Variants in PTPRR observed in about 807,000 individuals in gnomAD.
The protein encoded by PTPRR is protein tyrosine phosphatase receptor type R.
PTPRR carries 38 observed loss-of-function variants against 77.2 expected under a neutral mutation model. The observed-to-expected ratio is 0.49, with a 90% CI of 0.38 to 0.65. The LOEUF (loss-of-function observed/expected upper bound fraction) is 0.65, where lower values mean the gene tolerates loss of function less well. Ranked by LOEUF, PTPRR falls within the 30% of genes least tolerant of loss-of-function variation. PTPRR has a pLI of 0.00. For synonymous variants in PTPRR, 299 were observed against 283.1 expected (o/e 1.06, Z -0.57); for missense variants, 744 against 799.2 (o/e 0.93, Z 0.83).
At chr12:70,716,124 C>A (rs567288002) in intron 6 of PTPRR, among the ~76,000 whole-genome samples, 6 of 152,268 alleles carry the variant, frequency 3.9e-5, no homozygotes, top group Admixed American at 3.9e-4. Context: ...TCCCTGACTT[C>A]CCGCAACCTT....
At chr12:70,834,296 G>A (rs1314016995) in intron 2 of PTPRR, among the ~76,000 whole-genome samples, 1 of 152,092 alleles carries the variant, frequency 6.6e-6, no homozygotes, top group African/African-American at 2.4e-5. Flanking sequence ...ATGGTGACAA[G>A]CTTGTATATC....
intron 1 of PTPRR, among the ~76,000 whole-genome samples, chr12:70,919,351 C>A (rs1893819015): frequency 6.6e-6 from 1 of 152,164 alleles, no homozygotes; most frequent in Non-Finnish European, 1.5e-5. Flanking sequence ...GCATGGACAA[C>A]TGCTGTCACA....
chr12:70,829,327 C>T (rs990567454), intron 2 of PTPRR, among the ~76,000 whole-genome samples: 1 of 152,046 alleles, frequency 6.6e-6, no homozygotes, highest in East Asian at 1.9e-4. Flanking sequence ...GAAAAGCGGT[C>T]TACTTGAGGA....
chr12:70,912,131 C>T (rs963908759), intron 1 of PTPRR, among the ~76,000 whole-genome samples: 2 of 152,188 alleles, frequency 1.3e-5, no homozygotes, highest in Non-Finnish European at 2.9e-5. Context: ...GAAAGCCATA[C>T]ATTTACATTA....
chr12:70,857,373 G>A (rs1254923669), intron 2 of PTPRR, among the ~76,000 whole-genome samples: 1 of 152,088 alleles, frequency 6.6e-6, no homozygotes, highest in African/African-American at 2.4e-5. Context: ...TAGGTCATGG[G>A]GACCATTATG....
At chr12:70,794,892 T>C (rs1295490409) in intron 2 of PTPRR, among the ~76,000 whole-genome samples, 2 of 150,932 alleles carry the variant, frequency 1.3e-5, no homozygotes, top group African/African-American at 5.0e-5. Flanking sequence ...GCAGAAAACT[T>C]CACTTCTGCA....
At chr12:70,754,544 A>AGGG in intron 4 of PTPRR, 1 of 1,593,268 alleles carries the variant, frequency 6.3e-7, no homozygotes, top group Non-Finnish European at 8.5e-7. Flanking sequence ...TGCAGGTCCC[A>AGGG]GGCTTTCTAA....
intron 2 of PTPRR, among the ~76,000 whole-genome samples, chr12:70,809,638 T>G (rs1217874478): frequency 1.8e-4 from 27 of 152,292 alleles, no homozygotes; most frequent in Non-Finnish European, 7.4e-5. Flanking sequence ...GGATTCTAAA[T>G]TTAAGTTCAG....
chr12:70,762,913 G>T (rs1890725601), intron 3 of PTPRR, among the ~76,000 whole-genome samples: 1 of 152,100 alleles, frequency 6.6e-6, no homozygotes, highest in African/African-American at 2.4e-5. Context: ...CTGAGGATAT[G>T]ATAAGCATAT....
chr12:70,838,168 A>C (rs1364518309), intron 2 of PTPRR, among the ~76,000 whole-genome samples: 1 of 152,160 alleles, frequency 6.6e-6, no homozygotes, highest in Non-Finnish European at 1.5e-5. Flanking sequence ...AAAACAAACA[A>C]AAATTTCCAA....
At chr12:70,825,879 G>A (rs1013950667) in intron 2 of PTPRR, among the ~76,000 whole-genome samples, 1 of 152,194 alleles carries the variant, frequency 6.6e-6, no homozygotes, top group Non-Finnish European at 1.5e-5. Flanking sequence ...TGGCTCCCAC[G>A]TTACAGCTGG....
intron 2 of PTPRR, among the ~76,000 whole-genome samples, chr12:70,866,598 A>C (rs935473017): frequency 6.6e-6 from 1 of 152,136 alleles, no homozygotes; most frequent in East Asian, 1.9e-4. Flanking sequence ...AATTCTACCA[A>C]AGGTACAAGG....
intron 2 of PTPRR, among the ~76,000 whole-genome samples, chr12:70,824,493 A>G (rs1372930068): frequency 3.3e-5 from 5 of 152,184 alleles, no homozygotes; most frequent in African/African-American, 1.2e-4. Flanking sequence ...ATAAAATTGT[A>G]TTTGATTGTC....
intron 2 of PTPRR, among the ~76,000 whole-genome samples, chr12:70,808,107 C>T (rs1891743465): frequency 6.6e-6 from 1 of 152,046 alleles, no homozygotes; most frequent in Admixed American, 6.6e-5. Context: ...AATGGCCACC[C>T]TGGGAGTGTC....
intron 2 of PTPRR, among the ~76,000 whole-genome samples, chr12:70,827,986 T>G (rs1019576272): frequency 6.6e-6 from 1 of 152,062 alleles, no homozygotes; most frequent in Non-Finnish European, 1.5e-5. Flanking sequence ...TCCCAAAGTG[T>G]TGGGATTACA....
At chr12:70,766,104 C>A (rs1162009839) in intron 2 of PTPRR, among the ~76,000 whole-genome samples, 3 of 152,230 alleles carry the variant, frequency 2.0e-5, no homozygotes, top group Admixed American at 2.0e-4. Context: ...AAAAGCAGAG[C>A]GCCTCTCCTC....
chr12:70,862,184 T>A (rs537495971), intron 2 of PTPRR, among the ~76,000 whole-genome samples: 1 of 152,204 alleles, frequency 6.6e-6, no homozygotes, highest in African/African-American at 2.4e-5. Flanking sequence ...CTGAAAGCTA[T>A]GTCTCCACCA....
chr12:70,726,834 G>A (rs1469119141), intron 6 of PTPRR, among the ~76,000 whole-genome samples: 1 of 151,984 alleles, frequency 6.6e-6, no homozygotes, highest in Non-Finnish European at 1.5e-5. Flanking sequence ...CACCAGCCTC[G>A]ACCTCCCAGA....
chr12:70,902,082 G>T (rs780977589), intron 1 of PTPRR, among the ~76,000 whole-genome samples: 20 of 151,668 alleles, frequency 1.3e-4, no homozygotes, highest in Non-Finnish European at 2.8e-4. Flanking sequence ...CATCACTAAT[G>T]ATCAGGGAAA....
Sources: gnomAD v4.1 joint callset for allele counts (sites outside exome capture counted in the v4.1 genomes callset) on GRCh38, gnomAD v4.1.1 for gene constraint, MANE v1.5 for transcripts, NCBI Gene and HGNC (gene_info 2026-07-23, HGNC 2026-07-21) for gene names.